The following CEP295 variants were observed in gnomAD, a reference collection of about 807,000 sequenced individuals.
CEP295 encodes the protein centrosomal protein of 295 kDa.
Under a neutral mutation model 291.6 loss-of-function variants are expected in CEP295, and 190 were observed. The observed-to-expected ratio is 0.65, with a 90% CI of 0.58 to 0.73. CEP295 has a LOEUF of 0.73. CEP295 is among the 30% of genes least tolerant of loss of function. The probability of loss-of-function intolerance (pLI) is 0.00; values close to 1 mark genes in which losing one functional copy is unlikely to be tolerated. For synonymous variants in CEP295, 993 were observed against 1,038.8 expected (o/e 0.96, Z 0.85); for missense variants, 2,863 against 2,949.4 (o/e 0.97, Z 0.68).
At chr11:93,714,875 C>T (rs1212012405) in intron 18 of CEP295, among the ~76,000 whole-genome samples, 1 of 152,026 alleles carries the variant, frequency 6.6e-6, no homozygotes, top group Non-Finnish European at 1.5e-5. Context: ...GCTGAGCTGC[C>T]TGGAGCTGGG....
intron 25 of CEP295, 91 bp from the exon 26 acceptor site, chr11:93,729,343 T>G: frequency 1.2e-6 from 1 of 837,034 alleles, no homozygotes; most frequent in South Asian, 1.5e-5. Context: ...CAGTGAGGTG[T>G]GATCATGCCG....
In CEP295 at chr11:93,700,179, ACAGT is replaced by A. The variant is rs1323483131; in HGVS notation, c.5271_5274del (p.Ser1757ArgfsTer2). 8 of 1,545,998 alleles carry A rather than the reference ACAGT, an allele frequency of 5.2e-6. No homozygotes were observed. Among genetic ancestry groups the A allele is most frequent in the East Asian group, 2.4e-5 (1 of 40,904 alleles). ...GAGACTTTGAAGGATTTCTTTAAAG[ACAGT>A]CAGGTATGTTTTAAACCTGAATAAT... On this transcript the variant is annotated frameshift_variant, in exon 15 of 30. Transcript: ENST00000325212. LOFTEE classifies it high-confidence loss of function.
At chr11:93,704,680 A>G (rs1591087255) in intron 17 of CEP295, among the ~76,000 whole-genome samples, 1 of 152,194 alleles carries the variant, frequency 6.6e-6, no homozygotes, top group East Asian at 1.9e-4. Flanking sequence ...GGTTTGGTAA[A>G]CTTATTCAGA....
chr11:93,694,355 A>G (rs1010145522), intron 12 of CEP295, among the ~76,000 whole-genome samples: 2 of 152,152 alleles, frequency 1.3e-5, no homozygotes, highest in African/African-American at 4.8e-5. Context: ...TGATTCCTGT[A>G]TATACTATGG....
Position 93,666,780 on chromosome 11 carries a change from G to C in CEP295, c.73G>C (p.Asp25His). Residue 25 changes from aspartate to histidine, a missense_variant, in exon 2 of 30, where the codon GAT (aspartate) becomes CAT (histidine). Coordinates refer to ENST00000325212, the MANE Select transcript of CEP295 (RefSeq NM_033395.2). ...TGAGGAAGCCTTCATTTTGAAGGAA[G>C]ATTATGAAAGAAGGCGAAAACTAAG... ...PNEEAFILKE[D>H]YERRRKLRLL... 1 of 1,548,146 alleles carries C rather than the reference G, an allele frequency of 6.5e-7. No homozygotes were observed. The highest frequency in any genetic ancestry group is 8.7e-7 in the Non-Finnish European group (1 of 1,144,320).
rs1355382223 is a variant in CEP295, at chr11:93,666,717, A to G, written c.10A>G (p.Lys4Glu). The G allele has an allele frequency of 6.6e-7, 1 of 1,524,324 alleles. No homozygotes were observed. 94.4% of individuals were successfully genotyped at this position (1,524,324 alleles called of 1,614,324 possible). A position where few individuals can be genotyped will look rare whatever the true frequency, so the allele number is the denominator to read the frequency against. ...CATAAAGTACACAGAAATGAAGAGAAAAGTCGTGAATACTCACAAGCTGAG... is the reference window on the plus strand; with the variant it reads ...CATAAAGTACACAGAAATGAAGAGAGAAGTCGTGAATACTCACAAGCTGAG... Reference protein sequence around the residue: MKRKVVNTHKLRLS... With the variant: MKREVVNTHKLRLS... Residue 4 changes from lysine to glutamate, a missense_variant, in exon 2 of 30, where the codon AAA (lysine) becomes GAA (glutamate). Lys to Glu is a moderately conservative substitution (Grantham distance 56, BLOSUM62 1). Coordinates refer to ENST00000325212, the MANE Select transcript of CEP295 (RefSeq NM_033395.2).
At chr11:93,689,144 TATC>T (rs1288647780) in intron 10 of CEP295, among the ~76,000 whole-genome samples, 4 of 152,350 alleles carry the variant, frequency 2.6e-5, no homozygotes, top group South Asian at 2.1e-4. Context: ...AGTAGCCTGC[TATC>T]ATCAGCCTTT....
chr11:93,707,229 G>A (rs893773376), intron 18 of CEP295, among the ~76,000 whole-genome samples: 13 of 151,990 alleles, frequency 8.6e-5, no homozygotes, highest in Non-Finnish European at 1.0e-4. Flanking sequence ...CTATCTGTGG[G>A]CATTCTAAAT....
rs1234612480 is a variant in CEP295, at chr11:93,700,043, C to A, written c.5131C>A (p.Gln1711Lys). Residue 1711 changes from glutamine (Q) to lysine (K), a missense_variant, in exon 15 of 30, where the codon CAG becomes AAG. Around this residue, in one of 3 missense-constraint regions of CEP295, gnomAD observed 2,295 missense variants for 2,335.7 expected, o/e 0.98. Coordinates refer to ENST00000325212, the MANE Select transcript of CEP295 (RefSeq NM_033395.2). Reference sequence around the variant, plus strand: ...AACTCAGCAAGATAACTTGGGACTTCAGAAACAGTTGGATCTACAAAGAGA... The same window carrying A: ...AACTCAGCAAGATAACTTGGGACTTAAGAAACAGTTGGATCTACAAAGAGA... ...VLTQQDNLGL[Q>K]KQLDLQREVL... The A allele has an allele frequency of 1.9e-6, 3 of 1,551,820 alleles. No individual in the cohort carries two copies. The highest frequency in any genetic ancestry group is 1.7e-6 in the Non-Finnish European group (2 of 1,147,020).
At position 93,729,493 on chromosome 11, in the gene CEP295, A is replaced by C; in HGVS notation, c.7362A>C (p.Ser2454=). ...AAGCCTCAGATTATCCAGCTGTATC[A>C]GAACTTTCCATAGAAAAACCAAGGA... The part of the protein sequence containing the change: ...ATEASDYPAV[S]ELSIEKPRTA... The change falls in exon 26 of 30, where the codon TCA becomes TCC. Residue 2454 remains serine, a synonymous_variant. Transcript: ENST00000325212. 1 of 1,551,946 alleles carries C rather than the reference A, an allele frequency of 6.4e-7. No individual in the cohort carries two copies. The highest frequency in any genetic ancestry group is 8.7e-7 in the Non-Finnish European group (1 of 1,147,014).
At chr11:93,728,857 C>A in intron 25 of CEP295, 36 bp downstream of exon 25, 1 of 1,504,060 alleles carries the variant, frequency 6.6e-7, no homozygotes, top group Admixed American at 2.2e-5. Context: ...TATTCTATTA[C>A]AAGCAAACCA....
In CEP295 at chr11:93,699,873, C is replaced by G. The variant is rs1009692028; in HGVS notation, c.4961C>G (p.Ser1654Trp). ...TTTCTACCCAAGGAAACAGAGCATT[C>G]GTTTATTCCACTACCTTTTGCAGAA... Reference protein sequence around the residue: ...SLFLPKETEHSFIPLPFAEAK... With the variant: ...SLFLPKETEHWFIPLPFAEAK... The change falls in exon 15 of 30, where the codon TCG becomes TGG. Residue 1654 changes from serine (S) to tryptophan (W), a missense_variant. Transcript: ENST00000325212. 4 of 1,551,896 alleles carry G rather than the reference C, an allele frequency of 2.6e-6. No individual in the cohort carries two copies. The highest frequency in any genetic ancestry group is 3.5e-6 in the Non-Finnish European group (4 of 1,147,040).
At chr11:93,721,205 T>C (rs1351634168) in intron 18 of CEP295, 107 bp from the exon 19 acceptor site, 4 of 663,412 alleles carry the variant, frequency 6.0e-6, no homozygotes, top group African/African-American at 3.6e-5. Flanking sequence ...AATGAGAAAG[T>C]AGATTGTAGG....
At position 93,710,446 on chromosome 11, in the gene CEP295, T is replaced by C. The variant is rs151202862; in HGVS notation, c.5749+3549T>C. Among the ~76,000 whole-genome samples the C allele has an allele frequency of 3.2e-3, 490 of 152,380 alleles. 3 individuals carry two copies. Among genetic ancestry groups the C allele is most frequent in the African/African-American group, 0.011 (478 of 41,596 alleles). The stretch of plus-strand genomic sequence containing the variant: ...ATCACATTGTTTATTTTGCATACAT[T>C]GAACCATCCTTGCATCCTTGGGATA... On this transcript the variant is annotated intron_variant, in intron 18 of 29. Transcript: ENST00000325212.
At position 93,697,815 on chromosome 11, in the gene CEP295, G is replaced by A. The variant is rs986489556; in HGVS notation, c.2903G>A (p.Arg968Gln). 9 of 1,551,588 alleles carry A rather than the reference G, an allele frequency of 5.8e-6. No individual in the cohort carries two copies. Among genetic ancestry groups the A allele is most frequent in the African/African-American group, 1.4e-5 (1 of 73,136 alleles). Residue 968 changes from arginine (R) to glutamine (Q), a missense_variant, in exon 15 of 30, where the codon CGA (arginine) becomes CAA (glutamine). Arg to Gln is a conservative substitution (Grantham distance 43). This residue lies in a region of CEP295 where 2,295 missense variants were observed against 2,335.7 expected (regional missense o/e 0.98). Coordinates refer to ENST00000325212, the MANE Select transcript of CEP295 (RefSeq NM_033395.2). ...NIQKDSLQAR[R>Q]EAQEVLYVHK... ...CAGAAGGATAGCCTTCAGGCTAGGCGAGAAGCCCAGGAAGTATTGTATGTA... is the reference window on the plus strand; with the variant it reads ...CAGAAGGATAGCCTTCAGGCTAGGCAAGAAGCCCAGGAAGTATTGTATGTA...
chr11:93,708,709 G>GT (rs1212053146), intron 18 of CEP295, among the ~76,000 whole-genome samples: 2 of 152,100 alleles, frequency 1.3e-5, no homozygotes, highest in South Asian at 2.1e-4. Context: ...AATATTTTTA[G>GT]TTTTTTGAGG....
rs1316225234 is a variant in CEP295, at chr11:93,727,100, G to T, written c.6624G>T (p.Gln2208His). The T allele has an allele frequency of 1.9e-6, 3 of 1,551,466 alleles. No homozygotes were observed. Among genetic ancestry groups the T allele is most frequent in the Non-Finnish European group, 2.6e-6 (3 of 1,146,910 alleles). ...ATTCTTCCCAAGGCATGAAAAATCA[G>T]AACTATCCCTCTGAAGAACATACTG... ...ARDSSQGMKN[Q>H]NYPSEEHTEI... Residue 2208 changes from glutamine (Q) to histidine (H), a missense_variant, in exon 24 of 30, where the codon CAG (glutamine) becomes CAT (histidine). Transcript: ENST00000325212.
chr11:93,678,205 T>C (rs1030432973), intron 6 of CEP295, among the ~76,000 whole-genome samples: 3 of 152,214 alleles, frequency 2.0e-5, no homozygotes. Flanking sequence ...AACTTTTTTC[T>C]TGAAAACCTC....
chr11:93,689,511 C>A (rs1165427505), intron 10 of CEP295, among the ~76,000 whole-genome samples: 1 of 151,890 alleles, frequency 6.6e-6, no homozygotes, highest in African/African-American at 2.4e-5. Flanking sequence ...TTCCTTGACT[C>A]ACTCCCTCAC....
Sources: allele counts gnomAD v4.1 joint callset (sites outside exome capture counted in the v4.1 genomes callset), GRCh38; gene constraint gnomAD v4.1.1; regional missense constraint gnomAD v4.1.1; transcripts MANE v1.5; gene names NCBI Gene and HGNC (gene_info 2026-07-23, HGNC 2026-07-21).